STARD9: variants seen among roughly 807,000 people sequenced by gnomAD.
STARD9 encodes StAR related lipid transfer domain containing 9.
STARD9 carries 346 observed loss-of-function variants against 399.8 expected under a neutral mutation model. The observed-to-expected ratio is 0.87, with a 90% confidence interval of 0.79 to 0.95. STARD9 has a LOEUF of 0.95. STARD9 is among the 40% of genes least tolerant of loss of function. STARD9 has a pLI of 0.00. For synonymous variants in STARD9, 2,203 were observed against 2,143.5 expected, an observed-to-expected ratio of 1.03 and a Z score of -0.77; for missense variants, 5,832 against 5,667.5, an observed-to-expected ratio of 1.03 and a Z score of -0.93.
At chr15:42,587,597 G>C (rs558664059) in intron 3 of STARD9, among the ~76,000 whole-genome samples, 1 of 151,946 alleles carries the variant, frequency 6.6e-6, no homozygotes, top group Non-Finnish European at 1.5e-5. Context: ...ATGGAGTTTC[G>C]CTCTTGTTGC....
At chr15:42,596,582 T>A (rs1191675829) in intron 3 of STARD9, among the ~76,000 whole-genome samples, 1 of 152,208 alleles carries the variant, frequency 6.6e-6, no homozygotes, top group African/African-American at 2.4e-5. Context: ...TCTTCCCACA[T>A]ACTTGCACAG....
In STARD9 at chr15:42,675,881, G is replaced by A. The variant is rs554285263; in HGVS notation, c.1780G>A (p.Ala594Thr). ...TTCTTCCTTGTTCAAGGTTGGAGAG[G>A]CTGCTGCTGGTCGTGGCTCGTTGGA... is the stretch of plus-strand genomic sequence containing the variant. Reference protein sequence around the residue: ...VLRQRRQVGEAAAGRGSLEWL... With the variant: ...VLRQRRQVGETAAGRGSLEWL... The change falls in exon 20 of 33, where the codon GCT becomes ACT. Residue 594 changes from alanine (A) to threonine (T), a missense_variant. Ala to Thr is a moderately conservative substitution (Grantham distance 58). Coordinates refer to ENST00000290607, the MANE Select transcript of STARD9 (RefSeq NM_020759.3). The A allele has an allele frequency of 4.6e-6, 7 of 1,537,242 alleles. No homozygotes were observed. In the South Asian group the frequency reaches 5.9e-5, roughly 13 times the overall value.
Position 42,719,552 on chromosome 15 carries a change from T to TCAGCATCCTTAGG in STARD9, c.14081_14082insCAGCATCCTTAGG (p.Ala4695SerfsTer10). ...CGGCAGCCACTGGTTATAGCCAGAC[T>TCAGCATCCTTAGG]GGCTTCCTTCCTTGGTAGGTAGCAT... is the stretch of plus-strand genomic sequence containing the variant. On this transcript the variant is annotated frameshift_variant, in exon 33 of 33. Coordinates refer to ENST00000290607, the MANE Select transcript of STARD9 (RefSeq NM_020759.3). LOFTEE classifies it high-confidence loss of function. The TCAGCATCCTTAGG allele has an allele frequency of 6.5e-7, 1 of 1,536,850 alleles. No homozygotes were observed. The highest frequency in any genetic ancestry group is 8.7e-7 in the Non-Finnish European group (1 of 1,146,564).
rs1034534630 is a variant in STARD9, at chr15:42,693,215, C to T, written c.11637C>T (p.Asp3879=). The T allele has an allele frequency of 5.2e-6, 8 of 1,536,940 alleles. No homozygotes were observed. The highest frequency in any genetic ancestry group is 2.4e-5 in the South Asian group (2 of 84,046). ...LFPSTSEYPG[D]SRVQKKLGPT... ...CCAGTACTTCCGAGTATCCTGGGGA[C>T]TCCAGGGTCCAGAAGAAGCTGGGCC... Residue 3879 remains aspartate, a synonymous_variant, in exon 23 of 33, where the codon GAC becomes GAT. Transcript: ENST00000290607.
chr15:42,691,566 G>T lies in STARD9; in HGVS notation c.9988G>T (p.Gly3330Cys). The T allele has an allele frequency of 6.5e-7, 1 of 1,537,176 alleles. No homozygotes were observed. The highest frequency in any genetic ancestry group is 8.7e-7 in the Non-Finnish European group (1 of 1,146,898). ...SSPTPQFSVV[G>C]SSRSLQELNL... is the part of the protein sequence containing the mutation. ...CCCCACACCACAGTTCTCAGTTGTC[G>T]GCTCTTCTCGTTCTCTTCAGGAGCT... Residue 3330 changes from glycine (G) to cysteine (C), a missense_variant, in exon 23 of 33, where the codon GGC (glycine) becomes TGC (cysteine). Physicochemically the swap from Gly to Cys is radical, Grantham distance 159 (BLOSUM62 -3). Around this residue, in one of 2 missense-constraint regions of STARD9, gnomAD observed 5,828 missense variants for 5,651.1 expected, o/e 1.03. Transcript: ENST00000290607.
In STARD9 at chr15:42,719,138, C is replaced by T. The variant is rs117302991; in HGVS notation, c.14001+228C>T. ...CAATCTTTTCTGAAGCTGCTGTTAC[C>T]GAAAACCTAGTGACCTGCATCCTGT... On this transcript the variant is annotated intron_variant, in intron 32 of 32. Coordinates refer to ENST00000290607, the MANE Select transcript of STARD9 (RefSeq NM_020759.3). Among the ~76,000 whole-genome samples, 13 of 152,260 alleles carry T rather than the reference C, an allele frequency of 8.5e-5. 1 individual carries two copies. Among genetic ancestry groups the T allele is most frequent in the South Asian group, 6.2e-4 (3 of 4,828 alleles).
At chr15:42,580,971 A>G (rs1246925957) in intron 1 of STARD9, among the ~76,000 whole-genome samples, 1 of 152,230 alleles carries the variant, frequency 6.6e-6, no homozygotes, top group Non-Finnish European at 1.5e-5. Flanking sequence ...TCATCTTCCC[A>G]TCATTTGGCA....
At chr15:42,640,333 C>G (rs1480569039) in intron 7 of STARD9, among the ~76,000 whole-genome samples, 2 of 152,232 alleles carry the variant, frequency 1.3e-5, no homozygotes, top group African/African-American at 2.4e-5. Context: ...GTGACTGATT[C>G]TGCTACCTAT....
At chr15:42,603,618 TC>T (rs964356834) in intron 3 of STARD9, among the ~76,000 whole-genome samples, 9 of 151,912 alleles carry the variant, frequency 5.9e-5, no homozygotes, top group Admixed American at 1.3e-4. Flanking sequence ...CAAATCAGTC[TC>T]CCCAAATATG....
At chr15:42,630,552 G>A (rs1369165219) in intron 3 of STARD9, among the ~76,000 whole-genome samples, 1 of 152,112 alleles carries the variant, frequency 6.6e-6, no homozygotes, top group African/African-American at 2.4e-5. Context: ...CAGCAGTGAA[G>A]CTGTCAGGTT....
At chr15:42,607,284 C>A (rs1277544347) in intron 3 of STARD9, among the ~76,000 whole-genome samples, 3 of 136,528 alleles carry the variant, frequency 2.2e-5, no homozygotes, top group East Asian at 2.5e-4. Flanking sequence ...TTCACTACAA[C>A]CTTCGCCTCC....
At position 42,686,887 on chromosome 15, in the gene STARD9, G is replaced by A. The variant is rs542582189; in HGVS notation, c.5309G>A (p.Arg1770Lys). The part of the protein sequence containing the change: ...ALEIPACREV[R>K]VPSPPPREAW... ...GAGATTCCAGCTTGCAGAGAAGTAA[G>A]GGTACCCTCCCCACCCCCCAGGGAA... Residue 1770 changes from arginine to lysine, a missense_variant, in exon 23 of 33, where the codon AGG becomes AAG. Physicochemically the swap from Arg to Lys is conservative, Grantham distance 26. This residue lies in a region of STARD9 where 5,828 missense variants were observed against 5,651.1 expected (regional missense o/e 1.03). Transcript: ENST00000290607. 22 of 1,536,914 alleles carry A rather than the reference G, an allele frequency of 1.4e-5. No homozygotes were observed. The South Asian group carries it at 1.7e-4, about 12-fold the overall frequency.
chr15:42,616,895 A>T (rs2058973932), intron 3 of STARD9, among the ~76,000 whole-genome samples: 1 of 151,560 alleles, frequency 6.6e-6, no homozygotes, highest in Non-Finnish European at 1.5e-5. Context: ...CCTCTCAAAA[A>T]AAAAAAAAAA....
At chr15:42,616,438 T>C (rs2058963788) in intron 3 of STARD9, among the ~76,000 whole-genome samples, 1 of 152,224 alleles carries the variant, frequency 6.6e-6, no homozygotes, top group African/African-American at 2.4e-5. Context: ...TTTTAAATTG[T>C]AGAGTAATAG....
At position 42,685,375 on chromosome 15, in the gene STARD9, A is replaced by G; in HGVS notation, c.3797A>G (p.Asp1266Gly). ...AACTACAGAACAGCAGCTAGGCTGG[A>G]TGCCGTCCTGCCAATGAGCAGTTCG... The part of the protein sequence containing the change: ...PINYRTAARL[D>G]AVLPMSSSFY... The change falls in exon 23 of 33, where the codon GAT (aspartate) becomes GGT (glycine). Residue 1266 changes from aspartate (D) to glycine (G), a missense_variant. This residue lies in a region of STARD9 where 5,828 missense variants were observed against 5,651.1 expected (regional missense o/e 1.03). Coordinates refer to ENST00000290607, the MANE Select transcript of STARD9 (RefSeq NM_020759.3). The G allele has an allele frequency of 1.3e-6, 2 of 1,537,230 alleles. No homozygotes were observed. The highest frequency in any genetic ancestry group is 1.7e-6 in the Non-Finnish European group (2 of 1,146,922).
In STARD9 at chr15:42,684,648, G is replaced by A. The variant is rs1323947485; in HGVS notation, c.3070G>A (p.Ala1024Thr). The A allele has an allele frequency of 1.3e-6, 2 of 1,537,174 alleles. No homozygotes were observed. Among genetic ancestry groups the A allele is most frequent in the African/African-American group, 1.4e-5 (1 of 73,156 alleles). Residue 1024 changes from alanine (A) to threonine (T), a missense_variant, in exon 23 of 33, where the codon GCA becomes ACA. By Grantham distance (58) the Ala-to-Thr change is moderately conservative (BLOSUM62 0). Around this residue, in one of 2 missense-constraint regions of STARD9, gnomAD observed 5,828 missense variants for 5,651.1 expected, o/e 1.03. Transcript: ENST00000290607. ...GPRQTAGHGK[A>T]VKTFWTEYKP... ...CAGGCAGACTGCTGGGCACGGAAAG[G>A]CAGTCAAGACTTTTTGGACAGAATA...
At chr15:42,577,535 A>C (rs990982236) in intron 1 of STARD9, among the ~76,000 whole-genome samples, 1 of 152,238 alleles carries the variant, frequency 6.6e-6, no homozygotes, top group South Asian at 2.1e-4. Flanking sequence ...AGTAGAGAAT[A>C]ACATACCAAA....
intron 7 of STARD9, among the ~76,000 whole-genome samples, chr15:42,648,589 C>A (rs1470066315): frequency 6.6e-6 from 1 of 152,208 alleles, no homozygotes; most frequent in Non-Finnish European, 1.5e-5. Context: ...GAGAAGTCAT[C>A]TCCTAGTCTA....
chr15:42,684,258 G>A lies in STARD9; in HGVS notation c.2680G>A (p.Gly894Ser), dbSNP rs767100741. The A allele has an allele frequency of 1.2e-5, 18 of 1,537,246 alleles. No individual in the cohort carries two copies. The highest frequency in any genetic ancestry group is 2.4e-5 in the South Asian group (2 of 84,066). ...PARTGCLRKN[G>S]LHSSGHGQPC... The stretch of plus-strand genomic sequence containing the variant: ...AAGGACAGGGTGCCTCCGCAAGAAC[G>A]GCCTGCATTCCTCAGGTCATGGGCA... The change falls in exon 23 of 33, where the codon GGC becomes AGC. Residue 894 changes from glycine to serine, a missense_variant. By Grantham distance (56) the Gly-to-Ser change is moderately conservative. Transcript: ENST00000290607.
Sources: gnomAD v4.1 joint callset for allele counts (sites outside exome capture counted in the v4.1 genomes callset) on GRCh38, gnomAD v4.1.1 for gene constraint, gnomAD v4.1.1 regional missense constraint, MANE v1.5 for transcripts, NCBI Gene and HGNC (gene_info 2026-07-23, HGNC 2026-07-21) for gene names.